Variants in BCAS1 observed in about 807,000 individuals in gnomAD.
The protein encoded by BCAS1 is breast carcinoma-amplified sequence 1.
A neutral mutation model predicts 65.4 loss-of-function variants in BCAS1; 46 were observed. The ratio of observed to expected loss-of-function variants is 0.70; its 90% confidence interval spans 0.55 to 0.90. The LOEUF (loss-of-function observed/expected upper bound fraction) is 0.90, where lower values mean the gene tolerates loss of function less well. BCAS1 is among the 40% of genes least tolerant of loss of function. The pLI is 0.00. For missense variants in BCAS1, 793 were observed against 771.2 expected (o/e 1.03, Z -0.33); for synonymous variants, 298 against 293.5 (o/e 1.02, Z -0.16).
At chr20:54,043,184 C>T (rs1248826427) in intron 3 of BCAS1, among the ~76,000 whole-genome samples, 6 of 152,194 alleles carry the variant, frequency 3.9e-5, no homozygotes, top group Non-Finnish European at 5.9e-5. Flanking sequence ...GTGGAAAACA[C>T]AGATGGGATG....
chr20:54,046,879 T>C (rs1031414470), intron 3 of BCAS1, among the ~76,000 whole-genome samples: 1 of 148,656 alleles, frequency 6.7e-6, no homozygotes, highest in Non-Finnish European at 1.5e-5. Context: ...AGAGAGAGGA[T>C]AGGATCAGCT....
chr20:53,982,033 G>A (rs1406297226), intron 8 of BCAS1, among the ~76,000 whole-genome samples: 1 of 152,154 alleles, frequency 6.6e-6, no homozygotes, highest in Non-Finnish European at 1.5e-5. Context: ...TGCTTTATAT[G>A]TACAATTATT....
intron 12 of BCAS1, among the ~76,000 whole-genome samples, chr20:53,948,521 G>T (rs1440873731): frequency 1.3e-5 from 2 of 152,200 alleles, no homozygotes; most frequent in Non-Finnish European, 2.9e-5. Flanking sequence ...CCCCCTTTAG[G>T]TGGGCACCTG....
intron 12 of BCAS1, among the ~76,000 whole-genome samples, chr20:53,952,625 T>A (rs910634186): frequency 6.7e-6 from 1 of 150,366 alleles, no homozygotes; most frequent in Admixed American, 7.3e-5. Flanking sequence ...TGAGTATCCT[T>A]TTTTTTGTAA....
At chr20:54,036,478 C>T (rs1358912825) in intron 3 of BCAS1, among the ~76,000 whole-genome samples, 2 of 151,250 alleles carry the variant, frequency 1.3e-5, no homozygotes, top group East Asian at 1.9e-4. Context: ...CCAGTGCCAT[C>T]TTCGTGTAAT....
At chr20:54,068,003 A>C (rs2092465613) in intron 1 of BCAS1, among the ~76,000 whole-genome samples, 1 of 152,220 alleles carries the variant, frequency 6.6e-6, no homozygotes, top group Non-Finnish European at 1.5e-5. Flanking sequence ...ACAGTCCTGC[A>C]GCTCCATGTG....
chr20:53,953,902 T>C (rs2089613217), intron 11 of BCAS1, among the ~76,000 whole-genome samples: 1 of 152,184 alleles, frequency 6.6e-6, no homozygotes, highest in Admixed American at 6.5e-5. Context: ...TAATAATTCA[T>C]TAATACATTT....
chr20:53,963,336 C>T (rs1210234637), intron 10 of BCAS1, among the ~76,000 whole-genome samples: 1 of 151,694 alleles, frequency 6.6e-6, no homozygotes, highest in East Asian at 2.0e-4. Flanking sequence ...ACAAAATTAG[C>T]CAGGTGTGTT....
At chr20:54,067,439 G>C (rs1309645812) in intron 1 of BCAS1, among the ~76,000 whole-genome samples, 1 of 152,248 alleles carries the variant, frequency 6.6e-6, no homozygotes, top group African/African-American at 2.4e-5. Context: ...GATAATCACT[G>C]TAAGGATTTA....
intron 4 of BCAS1, 43 bp downstream of exon 4, chr20:54,028,349 A>G (rs1236467012): frequency 2.5e-6 from 4 of 1,603,474 alleles, no homozygotes; most frequent in Admixed American, 1.7e-5. Context: ...AGCGCCCCCG[A>G]GCATGCATTC....
At chr20:54,021,624 G>A in intron 4 of BCAS1, among the ~76,000 whole-genome samples, 1 of 151,712 alleles carries the variant, frequency 6.6e-6, no homozygotes, top group Non-Finnish European at 1.5e-5. Flanking sequence ...GCAAACTAAC[G>A]CAGGAACAGA....
chr20:54,003,427 T>A (rs1307871961), intron 4 of BCAS1, among the ~76,000 whole-genome samples: 2 of 152,104 alleles, frequency 1.3e-5, no homozygotes, highest in African/African-American at 4.8e-5. Context: ...CAAGTCTCCC[T>A]CTCCCACCGA....
Position 54,033,701 on chromosome 20 carries a change from A to G in BCAS1, c.143-4729T>C, listed in dbSNP as rs1419068957. ...AAAACCCAGTACTAGATGGATTCACAGGTAAGTTCTACCAGTTGTACAAAG... is the reference window on the plus strand; with the variant it reads ...AAAACCCAGTACTAGATGGATTCACGGGTAAGTTCTACCAGTTGTACAAAG... On this transcript the variant is annotated intron_variant, in intron 3 of 12. Coordinates refer to ENST00000688948, the MANE Select transcript of BCAS1 (RefSeq NM_001366298.2). 4.0e-5 allele frequency among the ~76,000 whole-genome samples: 6 copies of G among 151,184 alleles called. 1 individual carries two copies. The Admixed American group carries it at 4.0e-4, about 10-fold the overall frequency.
chr20:54,017,920 C>G (rs186913095), intron 4 of BCAS1, among the ~76,000 whole-genome samples: 1 of 152,068 alleles, frequency 6.6e-6, no homozygotes, highest in Admixed American at 6.5e-5. Context: ...AAAAAACAAA[C>G]AAAAACCACA....
At chr20:54,025,937 C>G (rs1019508011) in intron 4 of BCAS1, among the ~76,000 whole-genome samples, 1 of 152,144 alleles carries the variant, frequency 6.6e-6, no homozygotes, top group African/African-American at 2.4e-5. Flanking sequence ...TTGTTAAAAA[C>G]CTTTGCAGGC....
intron 1 of BCAS1, among the ~76,000 whole-genome samples, chr20:54,060,478 A>AT (rs11478662): frequency 0.014 from 1,967 of 137,664 alleles, 44 homozygotes; most frequent in African/African-American, 0.044. Context: ...ACACCAGACT[A>AT]TTTTTTTTTT....
intron 8 of BCAS1, among the ~76,000 whole-genome samples, chr20:53,977,638 A>G (rs2090368198): frequency 6.6e-6 from 1 of 152,218 alleles, no homozygotes; most frequent in Non-Finnish European, 1.5e-5. Context: ...ACCAATGTAG[A>G]TGATGGTGAG....
intron 3 of BCAS1, among the ~76,000 whole-genome samples, chr20:54,055,778 A>G (rs2092288556): frequency 6.6e-6 from 1 of 152,206 alleles, no homozygotes; most frequent in Non-Finnish European, 1.5e-5. Flanking sequence ...TGAATGGAAA[A>G]AGGAAATATA....
chr20:53,955,023 C>T (rs2145527196), intron 11 of BCAS1, among the ~76,000 whole-genome samples: 1 of 152,352 alleles, frequency 6.6e-6, no homozygotes, highest in Admixed American at 6.5e-5. Context: ...GGCAAACACA[C>T]TTGACCCACC....
Sources: gnomAD v4.1 joint callset for allele counts (sites outside exome capture counted in the v4.1 genomes callset) on GRCh38, gnomAD v4.1.1 for gene constraint, MANE v1.5 for transcripts, NCBI Gene and HGNC (gene_info 2026-07-23, HGNC 2026-07-21) for gene names.